The following ACACB variants were observed in gnomAD, a reference collection of about 807,000 sequenced individuals.
The protein encoded by ACACB is acetyl-CoA carboxylase beta.
ACACB carries 209 observed loss-of-function variants against 278.8 expected under a neutral mutation model. The observed-to-expected ratio is 0.75, with a 90% confidence interval of 0.67 to 0.84. The LOEUF (loss-of-function observed/expected upper bound fraction) is 0.84. ACACB is among the 40% of genes least tolerant of loss of function. The pLI, the probability that ACACB is intolerant of heterozygous loss-of-function variation, is 0.00. For missense variants in ACACB, 2,850 were observed against 3,269.0 expected, an observed-to-expected ratio of 0.87 and a Z score of 3.13; for synonymous variants, 1,174 against 1,285.6, an observed-to-expected ratio of 0.91 and a Z score of 1.86.
At chr12:109,112,193 A>C (rs983108819), upstream of ACACB, among the ~76,000 whole-genome samples, 8 of 149,214 alleles carry the variant, frequency 5.4e-5, no homozygotes, top group African/African-American at 2.0e-4. Context: ...TCTATATAAT[A>C]TATACAAAAG....
At chr12:109,167,621 G>GTGTATATATATATATATATA (rs1555210640) in intron 3 of ACACB, among the ~76,000 whole-genome samples, 3 of 77,526 alleles carry the variant, frequency 3.9e-5, no homozygotes, top group East Asian at 6.7e-4. Flanking sequence ...ATATGTATGT[G>GTGTATATATATATATATATA]TATATATATA....
intron 37 of ACACB, among the ~76,000 whole-genome samples, chr12:109,243,329 T>TGG (rs2046851916): frequency 6.6e-6 from 1 of 152,216 alleles, no homozygotes; most frequent in Non-Finnish European, 1.5e-5. Context: ...TTGGGCACAG[T>TGG]GGCTCACGCC....
At chr12:109,195,539 T>TA (rs1451140825) in intron 16 of ACACB, among the ~76,000 whole-genome samples, 6 of 152,194 alleles carry the variant, frequency 3.9e-5, no homozygotes, top group Non-Finnish European at 8.8e-5. Context: ...CAAGCGAGCA[T>TA]AAAAAATCAG....
intron 24 of ACACB, among the ~76,000 whole-genome samples, chr12:109,217,763 A>ACACT (rs1221175831): frequency 6.6e-6 from 1 of 152,044 alleles, no homozygotes; most frequent in African/African-American, 2.4e-5. Flanking sequence ...TCACACCACT[A>ACACT]CACTCCAGCC....
intron 2 of ACACB, among the ~76,000 whole-genome samples, chr12:109,155,260 A>C (rs891370973): frequency 1.3e-5 from 2 of 152,188 alleles, no homozygotes; most frequent in Admixed American, 1.3e-4. Flanking sequence ...CTTCGCCTCC[A>C]GAAGCTGATG....
At chr12:109,147,882 T>C (rs2043282131) in intron 2 of ACACB, among the ~76,000 whole-genome samples, 2 of 152,242 alleles carry the variant, frequency 1.3e-5, no homozygotes, top group Non-Finnish European at 2.9e-5. Context: ...AGGCATTTTA[T>C]AGTTGTTGCT....
chr12:109,263,872 G>A (rs2047443336), intron 49 of ACACB: 1 of 178,780 alleles, frequency 5.6e-6, no homozygotes, highest in African/African-American at 2.4e-5. Context: ...CATTGATATA[G>A]TATCCTACAA....
chr12:109,156,495 T>TC (rs947301596), intron 2 of ACACB, among the ~76,000 whole-genome samples: 11 of 151,956 alleles, frequency 7.2e-5, no homozygotes, highest in African/African-American at 2.4e-4. Context: ...GCTATTGCAC[T>TC]CCAGCCTGGG....
rs2046745111 is a variant in ACACB, at chr12:109,239,881, G to T, written c.4714G>T (p.Ala1572Ser). ...CGAGGGTGAGCGGCTGCTCCTGGAG[G>T]CCATGGACGAGCTGGAGGTGGCGTT... ...QNEGERLLLE[A>S]MDELEVAFNN... The change falls in exon 35 of 53, where the codon GCC (alanine) becomes TCC (serine). Residue 1572 changes from alanine (A) to serine (S), a missense_variant. By Grantham distance (99) the Ala-to-Ser change is moderately conservative. Transcript: ENST00000338432. The T allele has an allele frequency of 6.2e-7, 1 of 1,614,020 alleles. No individual in the cohort carries two copies. Among genetic ancestry groups the T allele is most frequent in the South Asian group, 1.1e-5 (1 of 91,088 alleles).
rs1009393159 is a variant in ACACB at position 109,132,624 on chromosome 12, C to T, written c.-9-6773C>T. On this transcript the variant is annotated intron_variant, in intron 1 of 52. Coordinates refer to ENST00000338432, the MANE Select transcript of ACACB (RefSeq NM_001093.4). ...GTGAATGGGGTGAGAATTCGTATCCCCATTTTATAGATGAGGAAACTGAGG... is the reference window on the plus strand; with the variant it reads ...GTGAATGGGGTGAGAATTCGTATCCTCATTTTATAGATGAGGAAACTGAGG... Among the ~76,000 whole-genome samples, 8 of 152,126 alleles carry T rather than the reference C, an allele frequency of 5.3e-5. No homozygotes were observed. In the South Asian group the frequency reaches 1.7e-3, roughly 32 times the overall value.
rs1055402447 is a variant in ACACB, at chr12:109,220,820, G to A, written c.3565-1687G>A. Among the ~76,000 whole-genome samples, 4 of 152,290 alleles carry A rather than the reference G, an allele frequency of 2.6e-5. No individual in the cohort carries two copies. The South Asian group carries it at 8.3e-4, about 32-fold the overall frequency. On this transcript the variant is annotated intron_variant, in intron 24 of 52. Coordinates refer to ENST00000338432, the MANE Select transcript of ACACB (RefSeq NM_001093.4). ...TTTGTCCGCCTTGGCCTCCCAAAGT[G>A]CAGGGATTACAGGCCTGAGCCACCA...
At chr12:109,226,374 A>G (rs1410973582) in intron 27 of ACACB, among the ~76,000 whole-genome samples, 1 of 151,824 alleles carries the variant, frequency 6.6e-6, no homozygotes, top group African/African-American at 2.4e-5. Flanking sequence ...ACCATGGACC[A>G]TATTTGGCCC....
intron 19 of ACACB, among the ~76,000 whole-genome samples, chr12:109,205,633 T>C (rs1365562392): frequency 2.0e-5 from 3 of 152,060 alleles, no homozygotes; most frequent in East Asian, 1.9e-4. Context: ...TGTGTATTTT[T>C]AGTAGAGATG....
intron 16 of ACACB, 113 bp from the exon 17 acceptor site, chr12:109,196,895 C>T: frequency 8.1e-7 from 1 of 1,235,394 alleles, no homozygotes; most frequent in Non-Finnish European, 1.1e-6. Flanking sequence ...CGGGGGTGTT[C>T]ATCTTGGCCC....
chr12:109,186,142 G>A (rs928490975), intron 12 of ACACB, among the ~76,000 whole-genome samples: 1 of 151,910 alleles, frequency 6.6e-6, no homozygotes, highest in African/African-American at 2.4e-5. Context: ...TATTGGCCAG[G>A]CTGGTCTGGA....
chr12:109,128,743 T>C (rs1282590786), intron 1 of ACACB, among the ~76,000 whole-genome samples: 2 of 151,446 alleles, frequency 1.3e-5, no homozygotes, highest in African/African-American at 4.9e-5. Flanking sequence ...GAAGTACTTT[T>C]GTTGCTTTCT....
intron 2 of ACACB, among the ~76,000 whole-genome samples, chr12:109,148,746 A>T (rs1219649329): frequency 2.6e-5 from 4 of 152,182 alleles, no homozygotes; most frequent in African/African-American, 4.8e-5. Context: ...TTCCTGGCAT[A>T]TAGTAAGCAC....
chr12:109,210,280 CACATAT>C (rs1213384071), intron 21 of ACACB, among the ~76,000 whole-genome samples: 4 of 59,746 alleles, frequency 6.7e-5, no homozygotes, highest in East Asian at 1.3e-3. Context: ...CATATACACA[CACATAT>C]CTGTGTGTAT....
chr12:109,236,798 C>A (rs779354344), intron 33 of ACACB, among the ~76,000 whole-genome samples: 8 of 151,602 alleles, frequency 5.3e-5, no homozygotes, highest in Non-Finnish European at 8.8e-5. Flanking sequence ...TTTCGGGGAC[C>A]AATTTCCACC....
Sources: gnomAD v4.1 joint callset for allele counts (sites outside exome capture counted in the v4.1 genomes callset) on GRCh38, gnomAD v4.1.1 for gene constraint, MANE v1.5 for transcripts, NCBI Gene and HGNC (gene_info 2026-07-23, HGNC 2026-07-21) for gene names.